MTFMT: variants seen among roughly 807,000 people sequenced by gnomAD.
MTFMT encodes the protein mitochondrial methionyl-tRNA formyltransferase.
MTFMT carries 47 observed loss-of-function variants against 51.8 expected under a neutral mutation model. The observed-to-expected ratio is 0.91, with a 90% CI of 0.72 to 1.16. The LOEUF (loss-of-function observed/expected upper bound fraction) is 1.16. Among genes scored for constraint, MTFMT ranks in the 50% most tolerant of loss-of-function variants. The pLI is 0.00. For synonymous variants in MTFMT, 196 were observed against 176.7 expected, an observed-to-expected ratio of 1.11 and a Z score of -0.87; for missense variants, 512 against 482.3, an observed-to-expected ratio of 1.06 and a Z score of -0.58.
chr15:65,010,586 ATTTT>A (rs925181355), intron 6 of MTFMT, among the ~76,000 whole-genome samples: 1 of 152,066 alleles, frequency 6.6e-6, no homozygotes, highest in African/African-American at 2.4e-5. Context: ...TATATACCAC[ATTTT>A]TTTAACGCAT....
intron 7 of MTFMT, 108 bp from the exon 8 acceptor site, chr15:65,005,044 G>C (rs1041142261): frequency 8.2e-6 from 6 of 729,650 alleles, no homozygotes; most frequent in Non-Finnish European, 1.4e-5. Flanking sequence ...ACTGATACCG[G>C]AGAGAACACA....
chr15:65,003,192 T>C lies in MTFMT; in HGVS notation c.1040A>G (p.Asn347Ser), dbSNP rs753018504. Residue 347 changes from asparagine to serine, a missense_variant, in exon 9 of 9, where the codon AAT becomes AGT. Physicochemically the swap from Asn to Ser is conservative, Grantham distance 46 (BLOSUM62 1). Transcript: ENST00000220058. ...CTGGTACCAGGGGTGCAAATATCCA[T>C]TGTAGAAGTCAGTAGCTGTTAGTGA... ...KKSLTATDFY[N>S]GYLHPWYQKN... 2.4e-5 allele frequency: 39 copies of C among 1,613,698 alleles called. No individual in the cohort carries two copies. Among genetic ancestry groups the C allele is most frequent in the South Asian group, 1.5e-4 (14 of 91,066 alleles).
chr15:65,020,355 G>A (rs868505672), intron 4 of MTFMT, 83 bp from the exon 5 acceptor site: 3 of 1,118,270 alleles, frequency 2.7e-6, no homozygotes, highest in Non-Finnish European at 2.6e-6. Context: ...TCAGCACCAT[G>A]AAATAACCTA....
intron 1 of MTFMT, among the ~76,000 whole-genome samples, chr15:65,028,751 T>C (rs1204078132): frequency 1.3e-5 from 2 of 152,114 alleles, no homozygotes; most frequent in Non-Finnish European, 2.9e-5. Context: ...CCACATACCA[T>C]GGACTCTCAG....
chr15:65,029,192 G>C, intron 1 of MTFMT: 2 of 873,804 alleles, frequency 2.3e-6, no homozygotes, highest in South Asian at 5.2e-5. Flanking sequence ...GCGGCGGGGA[G>C]TGAGGGGCGC....
intron 6 of MTFMT, among the ~76,000 whole-genome samples, chr15:65,013,721 A>G (rs1275663448): frequency 1.3e-5 from 2 of 152,100 alleles, no homozygotes; most frequent in Admixed American, 6.5e-5. Context: ...AGGTGGGCGG[A>G]TCACTCAAGT....
chr15:65,027,172 T>G (rs989800057), intron 1 of MTFMT, 132 bp from the exon 2 acceptor site: 1 of 667,686 alleles, frequency 1.5e-6, no homozygotes, highest in Non-Finnish European at 2.5e-6. Flanking sequence ...AAAACTAGTG[T>G]GAGAGACTGA....
At position 65,002,227 on chromosome 15, in the gene MTFMT, T is replaced by A. The variant is rs1374966521; in HGVS notation, c.*835A>T. 6.6e-6 allele frequency: 1 copy of A among 151,002 alleles called. No homozygotes were observed. Among genetic ancestry groups the A allele is most frequent in the African/African-American group, 2.4e-5 (1 of 41,010 alleles). 9.4% of individuals were successfully genotyped at this position (151,002 alleles called of 1,614,324 possible). Reference sequence around the variant, plus strand: ...TCCTGGCTAACACAGTGAAACCCCATCTCTACTAAAAATACAAAAAAAAAA... The same window carrying A: ...TCCTGGCTAACACAGTGAAACCCCAACTCTACTAAAAATACAAAAAAAAAA... On this transcript the variant is annotated 3_prime_UTR_variant, in exon 9 of 9. Transcript: ENST00000220058.
At chr15:65,009,755 G>A (rs750434278) in intron 6 of MTFMT, among the ~76,000 whole-genome samples, 8 of 151,954 alleles carry the variant, frequency 5.3e-5, no homozygotes, top group Non-Finnish European at 1.2e-4. Context: ...CCAGGGTCAA[G>A]TGATCCTCCT....
intron 8 of MTFMT, among the ~76,000 whole-genome samples, chr15:65,004,022 CT>C (rs879754482): frequency 3.8e-4 from 55 of 145,360 alleles, no homozygotes; most frequent in Admixed American, 6.2e-4. Flanking sequence ...TAAACATTTT[CT>C]TTTTTTTTTT....
chr15:65,008,492 G>C (rs1315185123), intron 6 of MTFMT, among the ~76,000 whole-genome samples: 2 of 152,192 alleles, frequency 1.3e-5, no homozygotes, highest in Non-Finnish European at 2.9e-5. Flanking sequence ...CATACATGAA[G>C]AGAGTGAGGC....
At position 65,021,592 on chromosome 15, in the gene MTFMT, T is replaced by G; in HGVS notation, c.567A>C (p.Lys189Asn). Reference protein sequence around the residue: ...PKRFDVGPILKQETVPVPPKS... With the variant: ...PKRFDVGPILNQETVPVPPKS... ...TGGGTGGCACAGGAACAGTTTCTTG[T>G]TTGAGAATTGGGCCTACATCAAACC... Residue 189 changes from lysine to asparagine, a missense_variant, in exon 4 of 9, where the codon AAA becomes AAC. Coordinates refer to ENST00000220058, the MANE Select transcript of MTFMT (RefSeq NM_139242.4). 1.9e-6 allele frequency: 3 copies of G among 1,589,916 alleles called. No individual in the cohort carries two copies. The highest frequency in any genetic ancestry group is 2.6e-6 in the Non-Finnish European group (3 of 1,161,662).
intron 5 of MTFMT, among the ~76,000 whole-genome samples, chr15:65,018,663 A>C (rs1410494279): frequency 6.6e-6 from 1 of 152,182 alleles, no homozygotes; most frequent in Admixed American, 6.5e-5. Flanking sequence ...CGAGCCTGGG[A>C]CATACTGTGG....
intron 6 of MTFMT, among the ~76,000 whole-genome samples, chr15:65,008,716 T>A (rs2086238884): frequency 6.6e-6 from 1 of 152,248 alleles, no homozygotes; most frequent in African/African-American, 2.4e-5. Context: ...TAACTGTATC[T>A]ATGTCATAGC....
chr15:65,008,763 C>T (rs921551112), intron 6 of MTFMT, among the ~76,000 whole-genome samples: 5 of 152,120 alleles, frequency 3.3e-5, no homozygotes, highest in African/African-American at 9.7e-5. Flanking sequence ...TTCTTTTGCC[C>T]GCTTCAATAA....
chr15:65,028,596 G>A (rs1344970295), intron 1 of MTFMT, among the ~76,000 whole-genome samples: 1 of 152,038 alleles, frequency 6.6e-6, no homozygotes, highest in Non-Finnish European at 1.5e-5. Flanking sequence ...AATACATGAG[G>A]GGCTGCTGTG....
At chr15:65,028,808 G>C (rs1321693242) in intron 1 of MTFMT, among the ~76,000 whole-genome samples, 2 of 152,160 alleles carry the variant, frequency 1.3e-5, no homozygotes, top group African/African-American at 4.8e-5. Context: ...AACAAAACTT[G>C]TTAAATATTA....
intron 3 of MTFMT, 68 bp from the exon 4 acceptor site, chr15:65,021,684 CAA>C: frequency 8.1e-7 from 1 of 1,237,742 alleles, no homozygotes; most frequent in Admixed American, 1.8e-5. Flanking sequence ...TGTCTACACA[CAA>C]AAAGATACAA....
intron 6 of MTFMT, among the ~76,000 whole-genome samples, chr15:65,008,645 GGTT>G (rs561530944): frequency 1.8e-4 from 28 of 152,172 alleles, no homozygotes; most frequent in Non-Finnish European, 3.8e-4. Context: ...AGAAGAGTTA[GGTT>G]GTTGTAATAA....
Sources: allele counts gnomAD v4.1 joint callset (sites outside exome capture counted in the v4.1 genomes callset), GRCh38; gene constraint gnomAD v4.1.1; transcripts MANE v1.5; gene names NCBI Gene and HGNC (gene_info 2026-07-23, HGNC 2026-07-21).